Variants in NOL4 observed in about 807,000 individuals in gnomAD.
NOL4 encodes cancer/testis antigen 125.
Under a neutral mutation model 75.9 loss-of-function variants are expected in NOL4, and 17 were observed. That is an observed-to-expected ratio of 0.22 (90% CI 0.15 to 0.34). The LOEUF (loss-of-function observed/expected upper bound fraction) is 0.34. NOL4 is among the 10% of genes least tolerant of loss of function. NOL4 has a pLI of 1.00. For synonymous variants in NOL4, 292 were observed against 289.9 expected (o/e 1.01, Z -0.07); for missense variants, 614 against 793.5 (o/e 0.77, Z 2.72).
rs1011065007 is a variant in NOL4 at position 33,851,216 on chromosome 18, T to A, written c.*1626A>T. On this transcript the variant is annotated 3_prime_UTR_variant, in exon 11 of 11. Transcript: ENST00000261592. Reference sequence around the variant, plus strand: ...AACTCTAAATCCACATCTTAAAAGATGTTTGTGCAGCTATGTATTTCCAAA... The same window carrying A: ...AACTCTAAATCCACATCTTAAAAGAAGTTTGTGCAGCTATGTATTTCCAAA... The A allele has an allele frequency of 1.3e-5, 2 of 152,572 alleles. No individual in the cohort carries two copies. Among genetic ancestry groups the A allele is most frequent in the African/African-American group, 4.8e-5 (2 of 41,454 alleles). 9.5% of individuals were successfully genotyped at this position (152,572 alleles called of 1,614,324 possible).
intron 5 of NOL4, among the ~76,000 whole-genome samples, chr18:34,031,075 A>G (rs1286027519): frequency 6.6e-6 from 1 of 152,042 alleles, no homozygotes; most frequent in African/African-American, 2.4e-5. Flanking sequence ...AAGGGAAGGG[A>G]TGGAGAGAGG....
intron 2 of NOL4, among the ~76,000 whole-genome samples, chr18:34,111,545 A>C (rs968998227): frequency 5.3e-5 from 8 of 152,090 alleles, no homozygotes; most frequent in African/African-American, 1.9e-4. Flanking sequence ...TCAGACACTA[A>C]ATATGCTGGT....
At chr18:34,141,817 G>C (rs1055171946) in intron 1 of NOL4, among the ~76,000 whole-genome samples, 2 of 152,040 alleles carry the variant, frequency 1.3e-5, no homozygotes, top group Non-Finnish European at 2.9e-5. Context: ...GGCAACAAAA[G>C]CCAGAATTGA....
intron 6 of NOL4, among the ~76,000 whole-genome samples, chr18:33,985,913 C>T (rs1029063277): frequency 6.6e-6 from 1 of 152,084 alleles, no homozygotes; most frequent in Non-Finnish European, 1.5e-5. Flanking sequence ...CACCTACTTA[C>T]ATTTTACAGA....
chr18:33,874,189 C>T (rs979499937), intron 10 of NOL4, among the ~76,000 whole-genome samples: 4 of 151,472 alleles, frequency 2.6e-5, no homozygotes, highest in African/African-American at 9.7e-5. Context: ...ATGCAGAACA[C>T]AAGGATTAAA....
chr18:33,965,781 G>C (rs1307466312), intron 6 of NOL4, among the ~76,000 whole-genome samples: 1 of 152,116 alleles, frequency 6.6e-6, no homozygotes, highest in Admixed American at 6.5e-5. Flanking sequence ...TGAATTGTGA[G>C]TCAATTAAAC....
At chr18:33,907,347 C>T (rs1001309244) in intron 9 of NOL4, among the ~76,000 whole-genome samples, 26 of 146,644 alleles carry the variant, frequency 1.8e-4, no homozygotes, top group African/African-American at 6.3e-4. Flanking sequence ...AAAAAAAGAC[C>T]TTGAAAGAAA....
Position 34,210,293 on chromosome 18 carries a change from T to G in NOL4, c.264+12697A>C, listed in dbSNP as rs374405948. ...ACTTTAAAGTAGAATGGGAAGTTAG[T>G]AATTACTTGTAAAGCAATCTAAGTA... is the stretch of plus-strand genomic sequence containing the variant. On this transcript the variant is annotated intron_variant, in intron 1 of 10. Coordinates refer to ENST00000261592, the MANE Select transcript of NOL4 (RefSeq NM_003787.5). Among the ~76,000 whole-genome samples, 47 of 152,348 alleles carry G rather than the reference T, an allele frequency of 3.1e-4. 1 individual carries two copies. In the South Asian group the frequency reaches 9.7e-3, roughly 32 times the overall value.
intron 3 of NOL4, among the ~76,000 whole-genome samples, 182 bp from the exon 4 acceptor site, chr18:34,104,341 CTG>C (rs539448332): frequency 1.4e-4 from 22 of 152,138 alleles, no homozygotes; most frequent in African/African-American, 4.6e-4. Context: ...TGTATTGACA[CTG>C]TTTAACAGTA....
chr18:33,953,702 CT>C (rs1247522012), intron 8 of NOL4, among the ~76,000 whole-genome samples: 1 of 152,078 alleles, frequency 6.6e-6, no homozygotes, highest in Admixed American at 6.6e-5. Context: ...AAAATAGGTG[CT>C]GGAGAATATA....
chr18:34,133,070 C>T (rs578199133), intron 1 of NOL4, among the ~76,000 whole-genome samples: 14 of 151,956 alleles, frequency 9.2e-5, no homozygotes, highest in African/African-American at 3.4e-4. Flanking sequence ...GTCAGGAGTT[C>T]GAGACCAGCC....
At chr18:34,082,706 T>A (rs1033186450) in intron 5 of NOL4, among the ~76,000 whole-genome samples, 8 of 152,166 alleles carry the variant, frequency 5.3e-5, no homozygotes, top group Non-Finnish European at 7.3e-5. Flanking sequence ...TAAACTCCAC[T>A]GTCCCTATGC....
chr18:33,995,107 C>T (rs2073180155), intron 6 of NOL4, among the ~76,000 whole-genome samples: 1 of 151,592 alleles, frequency 6.6e-6, no homozygotes, highest in South Asian at 2.1e-4. Context: ...AGTGTAGGCA[C>T]TGAGTTAGTA....
intron 6 of NOL4, among the ~76,000 whole-genome samples, chr18:33,972,696 A>G (rs994010510): frequency 1.3e-5 from 2 of 152,238 alleles, no homozygotes; most frequent in African/African-American, 4.8e-5. Context: ...AGTGACTTAC[A>G]CAAATATTTT....
intron 1 of NOL4, among the ~76,000 whole-genome samples, chr18:34,209,614 G>A (rs925059580): frequency 6.6e-6 from 1 of 152,038 alleles, no homozygotes; most frequent in Non-Finnish European, 1.5e-5. Flanking sequence ...TCTCATTTGT[G>A]TATATAGACT....
At chr18:34,100,381 C>A (rs908485386) in intron 4 of NOL4, among the ~76,000 whole-genome samples, 6 of 152,108 alleles carry the variant, frequency 3.9e-5, no homozygotes, top group African/African-American at 1.4e-4. Context: ...CCCTGCTCCC[C>A]TTCATAGCAA....
At chr18:34,209,040 G>A (rs2036321904) in intron 1 of NOL4, among the ~76,000 whole-genome samples, 1 of 151,302 alleles carries the variant, frequency 6.6e-6, no homozygotes, top group South Asian at 2.1e-4. Context: ...TGAAACCCCT[G>A]TCTCTATTAA....
At chr18:34,053,456 T>A (rs568526508) in intron 5 of NOL4, among the ~76,000 whole-genome samples, 1 of 151,870 alleles carries the variant, frequency 6.6e-6, no homozygotes, top group Non-Finnish European at 1.5e-5. Context: ...AGGAAACATA[T>A]GGAGAAAAAA....
intron 1 of NOL4, among the ~76,000 whole-genome samples, chr18:34,137,125 C>G (rs1451388104): frequency 6.6e-6 from 1 of 152,142 alleles, no homozygotes; most frequent in Non-Finnish European, 1.5e-5. Flanking sequence ...AGGTCCCTAC[C>G]TCAACCCATA....
Sources: allele counts gnomAD v4.1 joint callset (sites outside exome capture counted in the v4.1 genomes callset), GRCh38; gene constraint gnomAD v4.1.1; transcripts MANE v1.5; gene names NCBI Gene and HGNC (gene_info 2026-07-23, HGNC 2026-07-21).